ANKFN1: variants seen among roughly 807,000 people sequenced by gnomAD.
ANKFN1 encodes ankyrin repeat and fibronectin type-III domain-containing protein 1.
A neutral mutation model predicts 108.7 loss-of-function variants in ANKFN1; 74 were observed. The observed-to-expected ratio is 0.68, with a 90% CI of 0.56 to 0.83. ANKFN1 has a LOEUF of 0.83. Ranked by LOEUF, ANKFN1 falls within the 40% of genes least tolerant of loss-of-function variation. The probability of loss-of-function intolerance (pLI) is 0.00; values close to 1 mark genes in which losing one functional copy is unlikely to be tolerated. For synonymous variants in ANKFN1, 547 were observed against 516.2 expected, an observed-to-expected ratio of 1.06 and a Z score of -0.81; for missense variants, 1,505 against 1,382.3, an observed-to-expected ratio of 1.09 and a Z score of -1.41.
chr17:56,164,724 C>T (rs917733787), intron 1 of ANKFN1, among the ~76,000 whole-genome samples: 1 of 152,122 alleles, frequency 6.6e-6, no homozygotes, highest in African/African-American at 2.4e-5. Context: ...TTCTTGGGGC[C>T]TCTTATCATA....
chr17:56,505,601 G>C (rs1282242388), intron 20 of ANKFN1, among the ~76,000 whole-genome samples: 1 of 152,178 alleles, frequency 6.6e-6, no homozygotes, highest in East Asian at 1.9e-4. Flanking sequence ...GCTCTCTAGA[G>C]TTCATGGTCC....
intron 1 of ANKFN1, among the ~76,000 whole-genome samples, chr17:56,170,807 T>TATATATATACACACACACACAC (rs1361307404): frequency 9.8e-5 from 6 of 61,454 alleles, no homozygotes; most frequent in East Asian, 9.8e-4. Flanking sequence ...TATATATATA[T>TATATATATACACACACACACAC]ACACACACAC....
intron 1 of ANKFN1, among the ~76,000 whole-genome samples, chr17:56,183,293 C>A (rs771658843): frequency 5.3e-5 from 8 of 152,086 alleles, no homozygotes; most frequent in Non-Finnish European, 8.8e-5. Context: ...GGAAAGGATT[C>A]ATCATTCTAG....
chr17:56,412,012 G>T (rs2048107476), intron 8 of ANKFN1, among the ~76,000 whole-genome samples: 1 of 152,152 alleles, frequency 6.6e-6, no homozygotes, highest in Non-Finnish European at 1.5e-5. Flanking sequence ...AATAAGTTCA[G>T]AAATTATTCT....
At chr17:56,083,438 A>G (rs1598091042) in intron 4 of ANKFN1, among the ~76,000 whole-genome samples, 1 of 151,550 alleles carries the variant, frequency 6.6e-6, no homozygotes, top group East Asian at 1.9e-4. Flanking sequence ...CTATTTTGCC[A>G]TATCCAGATC....
intron 8 of ANKFN1, among the ~76,000 whole-genome samples, chr17:56,384,503 AG>A (rs1431439774): frequency 2.0e-5 from 3 of 152,220 alleles, no homozygotes; most frequent in African/African-American, 4.8e-5. Flanking sequence ...AAGGAAATAA[AG>A]GGTATTCAAT....
chr17:56,440,457 A>G (rs2049064751), intron 9 of ANKFN1, 33 bp downstream of exon 9: 14 of 1,536,366 alleles, frequency 9.1e-6, no homozygotes, highest in African/African-American at 1.4e-5. Flanking sequence ...TCATTTCCCT[A>G]TTGCTGATAT....
At chr17:56,221,626 G>A (rs1915899681) in intron 2 of ANKFN1, among the ~76,000 whole-genome samples, 1 of 152,166 alleles carries the variant, frequency 6.6e-6, no homozygotes, top group African/African-American at 2.4e-5. Context: ...AATATAATTT[G>A]AAGTGGTTGG....
chr17:56,280,595 G>A (rs1314317528), intron 3 of ANKFN1, among the ~76,000 whole-genome samples: 2 of 152,088 alleles, frequency 1.3e-5, no homozygotes, highest in African/African-American at 2.4e-5. Flanking sequence ...GGACTTCTCA[G>A]ACTCTATAAT....
chr17:56,301,627 G>A (rs185419539), intron 3 of ANKFN1, among the ~76,000 whole-genome samples: 3 of 152,008 alleles, frequency 2.0e-5, no homozygotes, highest in Non-Finnish European at 4.4e-5. Context: ...GCCCCATTTA[G>A]CTGGATTTAC....
chr17:56,510,215 T>G (rs1261973014), intron 20 of ANKFN1, among the ~76,000 whole-genome samples: 1 of 152,228 alleles, frequency 6.6e-6, no homozygotes, highest in Non-Finnish European at 1.5e-5. Context: ...CTATCTGGGC[T>G]GAACCTGTCA....
intron 8 of ANKFN1, among the ~76,000 whole-genome samples, chr17:56,410,430 A>G (rs2048058133): frequency 6.6e-6 from 1 of 152,188 alleles, no homozygotes; most frequent in South Asian, 2.1e-4. Context: ...AGAATTGCAT[A>G]TAGTTATGGG....
chr17:56,418,397 T>C (rs1390344970), intron 8 of ANKFN1, among the ~76,000 whole-genome samples: 1 of 152,160 alleles, frequency 6.6e-6, no homozygotes, highest in Non-Finnish European at 1.5e-5. Flanking sequence ...AAAATGATTT[T>C]AAGAGAAGCC....
At chr17:56,167,253 ATG>A (rs1039174562) in intron 1 of ANKFN1, among the ~76,000 whole-genome samples, 7 of 108,376 alleles carry the variant, frequency 6.5e-5, no homozygotes, top group Admixed American at 2.2e-4. Context: ...GTATATATGT[ATG>A]TGTGTGTATA....
intron 4 of ANKFN1, among the ~76,000 whole-genome samples, chr17:56,046,489 C>G (rs556722281): frequency 1.3e-5 from 2 of 151,834 alleles, no homozygotes; most frequent in Non-Finnish European, 2.9e-5. Flanking sequence ...TGTGCCCACA[C>G]GCACTTGCAT....
intron 8 of ANKFN1, among the ~76,000 whole-genome samples, chr17:56,409,824 C>T (rs2048035081): frequency 6.6e-6 from 1 of 152,098 alleles, no homozygotes; most frequent in South Asian, 2.1e-4. Flanking sequence ...TCTTCATTAA[C>T]TTGAATTTGT....
At chr17:56,477,342 C>T (rs2050535658) in intron 15 of ANKFN1, 146 bp from the exon 16 acceptor site, 2 of 692,388 alleles carry the variant, frequency 2.9e-6, no homozygotes, top group Middle Eastern at 8.6e-4. Context: ...CCCCAGCATT[C>T]ATGGTATACC....
chr17:56,487,526 A>C (rs748908181), intron 18 of ANKFN1, among the ~76,000 whole-genome samples: 4 of 140,522 alleles, frequency 2.8e-5, no homozygotes, highest in African/African-American at 5.1e-5. Context: ...CTAGAAAGAC[A>C]AAAAAAAAAA....
chr17:56,073,164 C>T (rs9909846), intron 4 of ANKFN1, among the ~76,000 whole-genome samples: 103,160 of 151,046 alleles, frequency 0.68, 35,740 homozygotes, highest in Middle Eastern at 0.76. Context: ...GGCTAATTTT[C>T]TGTATTTTTA....
Sources: allele counts gnomAD v4.1 joint callset (sites outside exome capture counted in the v4.1 genomes callset), GRCh38; gene constraint gnomAD v4.1.1; transcripts MANE v1.5; gene names NCBI Gene and HGNC (gene_info 2026-07-23, HGNC 2026-07-21).